The following PER1 variants were observed in gnomAD, a reference collection of about 807,000 sequenced individuals.
PER1 encodes the protein period circadian protein homolog 1.
In PER1, 87 loss-of-function variants were observed where a neutral mutation model predicts 125.9. That is an observed-to-expected ratio of 0.69 (90% CI 0.58 to 0.83). PER1 has a LOEUF of 0.83. Ranked by LOEUF, PER1 falls within the 40% of genes least tolerant of loss-of-function variation. The pLI, the probability that PER1 is intolerant of heterozygous loss-of-function variation, is 0.00. For synonymous variants in PER1, 801 were observed against 714.7 expected, an observed-to-expected ratio of 1.12 and a Z score of -1.93; for missense variants, 1,775 against 1,722.8, an observed-to-expected ratio of 1.03 and a Z score of -0.54.
rs1202253004 is a variant in PER1 at position 8,140,722 on chromosome 17, A to G, written c.*346T>C. ...AGAGAGAGCTGTCTCCCCGCAATAA[A>G]TAAGTGCAGCCCCAACCCTCAAGAG... is the stretch of plus-strand genomic sequence containing the variant. On this transcript the variant is annotated 3_prime_UTR_variant, in exon 23 of 23. Coordinates refer to ENST00000317276, the MANE Select transcript of PER1 (RefSeq NM_002616.3). 3.8e-6 allele frequency: 1 copy of G among 266,638 alleles called. No individual in the cohort carries two copies. Among genetic ancestry groups the G allele is most frequent in the Non-Finnish European group, 7.3e-6 (1 of 137,834 alleles). The allele number at this position is 266,638 out of a possible 1,614,324, so 16.5% of individuals were successfully genotyped here.
chr17:8,142,197 G>A (rs1982122082), intron 21 of PER1, 72 bp downstream of exon 21: 3 of 1,295,324 alleles, frequency 2.3e-6, no homozygotes, highest in Admixed American at 2.4e-5. Context: ...GGCAGAGCCA[G>A]CCCCAGAAAA....
At position 8,146,496 on chromosome 17, in the gene PER1, C is replaced by T. The variant is rs910544368; in HGVS notation, c.1914G>A (p.Leu638=). The T allele has an allele frequency of 1.9e-6, 3 of 1,612,230 alleles. No individual in the cohort carries two copies. The highest frequency in any genetic ancestry group is 2.2e-5 in the South Asian group (2 of 90,770). The part of the protein sequence containing the change: ...INCLDSILRY[L]ESCNLPSTTK... Reference sequence around the variant, plus strand: ...TGGTGCTGGGGAGGTTGCAGCTCTCCAGGTACCTGGGGATGGACACAGCAC... The same window carrying T: ...TGGTGCTGGGGAGGTTGCAGCTCTCTAGGTACCTGGGGATGGACACAGCAC... Residue 638 remains leucine, a synonymous_variant, in exon 16 of 23, where the codon CTG becomes CTA. Transcript: ENST00000317276.
chr17:8,145,916 C>A (rs929671407), intron 17 of PER1, 42 bp downstream of exon 17: 1 of 1,544,790 alleles, frequency 6.5e-7, no homozygotes, highest in Non-Finnish European at 8.7e-7. Context: ...AGCTGGGAGA[C>A]CGGTGGAGCC....
chr17:8,141,267 C>G lies in PER1; in HGVS notation c.3674G>C (p.Gly1225Ala), dbSNP rs201557064. The G allele has an allele frequency of 4.1e-5, 66 of 1,614,206 alleles. 1 individual carries two copies. In the South Asian group the frequency reaches 7.1e-4, roughly 17 times the overall value. ...CTCTTCCATGGGCTCCAGCCCCAGT[C>G]CATCCAGCTCTGAGAAGAGTGGGTC... ...PDDPLFSELD[G>A]LGLEPMEEGG... is the part of the protein sequence containing the mutation. Residue 1225 changes from glycine to alanine, a missense_variant, in exon 23 of 23, where the codon GGA (glycine) becomes GCA (alanine). Physicochemically the swap from Gly to Ala is moderately conservative, Grantham distance 60 (BLOSUM62 0). Coordinates refer to ENST00000317276, the MANE Select transcript of PER1 (RefSeq NM_002616.3).
At position 8,140,612 on chromosome 17, in the gene PER1, T is replaced by G; in HGVS notation, c.*456A>C. On this transcript the variant is annotated 3_prime_UTR_variant, in exon 23 of 23. Transcript: ENST00000317276. ...CCAGGGACTCCATGGTCCACCAACC[T>G]CCCCCACTCCAGAGCAGCTAGGGGC... is the stretch of plus-strand genomic sequence containing the variant. The G allele has an allele frequency of 4.2e-6, 1 of 237,888 alleles. No individual in the cohort carries two copies. The highest frequency in any genetic ancestry group is 2.2e-5 in the African/African-American group (1 of 45,224). 14.7% of individuals were successfully genotyped at this position (237,888 alleles called of 1,614,324 possible).
At position 8,143,574 on chromosome 17, in the gene PER1, C is replaced by G. The variant is rs1403222934; in HGVS notation, c.2764G>C (p.Val922Leu). ...GTTGGGAACAGATAGTTAGGGAGCACCAAGGCCACCATTGGGGTCACCAAA... is the reference window on the plus strand; with the variant it reads ...GTTGGGAACAGATAGTTAGGGAGCAGCAAGGCCACCATTGGGGTCACCAAA... ...APLVTPMVAL[V>L]LPNYLFPTPS... is the part of the protein sequence containing the mutation. The change falls in exon 19 of 23, where the codon GTG becomes CTG. Residue 922 changes from valine (V) to leucine (L), a missense_variant. Val to Leu is a conservative substitution (Grantham distance 32). Transcript: ENST00000317276. 5 of 1,468,240 alleles carry G rather than the reference C, an allele frequency of 3.4e-6. No homozygotes were observed. The highest frequency in any genetic ancestry group is 4.5e-6 in the Non-Finnish European group (5 of 1,104,582). 91.0% of individuals were successfully genotyped at this position (1,468,240 alleles called of 1,614,324 possible).
In PER1 at chr17:8,143,760, AG is replaced by A; in HGVS notation, c.2577del (p.Ser860HisfsTer56). On this transcript the variant is annotated frameshift_variant, in exon 19 of 23. Transcript: ENST00000317276. LOFTEE classifies it high-confidence loss of function. ...RAEAPCYVSH[P>X]SPVPPSTPWP... is the part of the protein sequence containing the mutation. The stretch of plus-strand genomic sequence containing the variant: ...CAGGGGGTGGAGGGTGGCACGGGTG[AG>A]GGGTGTGAGACATAGCAGGGCGCTT... 1 of 1,581,998 alleles carries A rather than the reference AG, an allele frequency of 6.3e-7. No individual in the cohort carries two copies. Among genetic ancestry groups the A allele is most frequent in the Non-Finnish European group, 8.6e-7 (1 of 1,161,552 alleles).
chr17:8,150,596 T>C lies in PER1; in HGVS notation c.111A>G (p.Pro37=). Residue 37 remains proline, a synonymous_variant, in exon 2 of 23, where the codon CCA becomes CCG. Transcript: ENST00000317276. ...CGGTGTCATCGGCCAGGCTGGGGCC[T>C]GGGCAAGGCCGGTGCTGTGGGGGCC... ...SPGPPQHRPC[P]GPSLADDTDA... is the part of the protein sequence containing the mutation. 1 of 1,613,940 alleles carries C rather than the reference T, an allele frequency of 6.2e-7. No individual in the cohort carries two copies. The highest frequency in any genetic ancestry group is 8.5e-7 in the Non-Finnish European group (1 of 1,179,978).
chr17:8,143,876 C>T lies in PER1; in HGVS notation c.2462G>A (p.Gly821Asp). 1 of 1,605,654 alleles carries T rather than the reference C, an allele frequency of 6.2e-7. No homozygotes were observed. ...STAPSALGER[G>D]CHHGPAPPSR... ...TGGGGGTGCGGGGCCGTGGTGGCAG[C>T]CTGTGGGGAGAGACTAGGGTTAGCA... The change falls in exon 19 of 23, where the codon GGC becomes GAC. Residue 821 changes from glycine (G) to aspartate (D), a missense_variant and splice_region_variant. Physicochemically the swap from Gly to Asp is moderately conservative, Grantham distance 94. Transcript: ENST00000317276.
chr17:8,141,759 AACTTGAGCTCAATTCTTTTTTCTCCCCG>A lies in PER1; in HGVS notation c.3600+18_3600+45del, dbSNP rs749399489. ...GCTCAATTCTTTTTTCTCCCCCTTG[AACTTGAGCTCAATTCTTTTTTCTCCCCG>A]TCCCAGGCTTCTCTCACCATCACAT... is the stretch of plus-strand genomic sequence containing the variant. On this transcript the variant is annotated intron_variant, in intron 22 of 22. Coordinates refer to ENST00000317276, the MANE Select transcript of PER1 (RefSeq NM_002616.3). 5.4e-6 allele frequency: 7 copies of A among 1,302,250 alleles called. No individual in the cohort carries two copies. The highest frequency in any genetic ancestry group is 2.2e-4 in the Middle Eastern group (1 of 4,614). 80.7% of individuals were successfully genotyped at this position (1,302,250 alleles called of 1,614,324 possible).
In PER1 at chr17:8,147,626, C is replaced by T. The variant is rs200769363; in HGVS notation, c.1388+48G>A. On this transcript the variant is annotated intron_variant, in intron 11 of 22. Transcript: ENST00000317276. ...AGCCCTGGCCCGGTCCTGTCCCCCA[C>T]CGCACTGCCCTATCCCCAACGCCAG... 358 of 1,613,470 alleles carry T rather than the reference C, an allele frequency of 2.2e-4. No homozygotes were observed. The African/African-American group carries it at 4.2e-3, about 19-fold the overall frequency.
Position 8,150,326 on chromosome 17 carries a change from C to A in PER1, c.276-9G>T. The A allele has an allele frequency of 6.5e-7, 1 of 1,547,030 alleles. No homozygotes were observed. Among genetic ancestry groups the A allele is most frequent in the Non-Finnish European group, 8.7e-7 (1 of 1,144,724 alleles). On this transcript the variant is annotated splice_polypyrimidine_tract_variant and intron_variant, in intron 2 of 22. Transcript: ENST00000317276. ...GGCTCTGAGAGTTTGTGCTAGGAGA[C>A]AGCAACAGGCCCAGTTACAGGTAGG...
Position 8,149,489 on chromosome 17 carries a change from GC to G in PER1, c.825del (p.Thr277ProfsTer42). 6.2e-7 allele frequency: 1 copy of G among 1,613,628 alleles called. No homozygotes were observed. The highest frequency in any genetic ancestry group is 8.5e-7 in the Non-Finnish European group (1 of 1,179,784). ...GCTGAGGCCCCTGTGCCCCAGGTGG[GC>G]AGGCGAGATGGAGCAGTGGAACCAT... The part of the protein sequence containing the change: ...VFYGSTAPSR[L>X]PTWGTGASAG... On this transcript the variant is annotated frameshift_variant, in exon 6 of 23. Coordinates refer to ENST00000317276, the MANE Select transcript of PER1 (RefSeq NM_002616.3). LOFTEE classifies it high-confidence loss of function.
Position 8,150,016 on chromosome 17 carries a change from G to A in PER1, c.484C>T (p.Leu162=). 1.9e-6 allele frequency: 3 copies of A among 1,614,170 alleles called. No homozygotes were observed. Among genetic ancestry groups the A allele is most frequent in the Non-Finnish European group, 2.5e-6 (3 of 1,180,042 alleles). The change falls in exon 4 of 23, where the codon CTG becomes TTG. Residue 162 remains leucine, a synonymous_variant. Coordinates refer to ENST00000317276, the MANE Select transcript of PER1 (RefSeq NM_002616.3). ...ERRGKGRSGT[L]ATLQYALACV... Reference sequence around the variant, plus strand: ...GCCAGTGCGTACTGCAGCGTGGCCAGGGTCCCAGAGCGGCCCTTGCCCCGG... The same window carrying A: ...GCCAGTGCGTACTGCAGCGTGGCCAAGGTCCCAGAGCGGCCCTTGCCCCGG...
At position 8,141,890 on chromosome 17, in the gene PER1, C is replaced by A; in HGVS notation, c.3515G>T (p.Arg1172Leu). The A allele has an allele frequency of 3.1e-6, 5 of 1,614,174 alleles. No individual in the cohort carries two copies. The highest frequency in any genetic ancestry group is 4.2e-6 in the Non-Finnish European group (5 of 1,180,036). Residue 1172 changes from arginine to leucine, a missense_variant, in exon 22 of 23, where the codon CGG (arginine) becomes CTG (leucine). Transcript: ENST00000317276. ...TTCCCGCCGCTGGTCCTCAGAAAAC[C>A]GAGGCTGCTGCTTCTGCATGGCTCG... ...RLRAMQKQQP[R>L]FSEDQRRELG...
At position 8,144,826 on chromosome 17, in the gene PER1, T is replaced by A. The variant is rs3027190; in HGVS notation, c.2386A>T (p.Ser796Cys). The change falls in exon 18 of 23, where the codon AGC becomes TGC. Residue 796 changes from serine to cysteine, a missense_variant. By Grantham distance (112) the Ser-to-Cys change is moderately radical. Coordinates refer to ENST00000317276, the MANE Select transcript of PER1 (RefSeq NM_002616.3). ...HTQKEEQAFL[S>C]RFRDLGRLRG... ...AGCCTGCCCAGGTCTCGGAAGCGGC[T>A]GAGGAAGGCTTGCTCTTCCTTCTGT... The A allele has an allele frequency of 1.1e-5, 18 of 1,585,826 alleles. No individual in the cohort carries two copies. Among genetic ancestry groups the A allele is most frequent in the Admixed American group, 1.7e-5 (1 of 57,204 alleles).
intron 22 of PER1, 78 bp from the exon 23 acceptor site, chr17:8,141,418 G>C: frequency 6.8e-7 from 1 of 1,467,884 alleles, no homozygotes; most frequent in Admixed American, 2.1e-5. Flanking sequence ...CCCACCCCCA[G>C]CCCACTGTGC....
At chr17:8,145,789 C>T (rs936935811) in intron 17 of PER1, among the ~76,000 whole-genome samples, 169 bp downstream of exon 17, 12 of 152,148 alleles carry the variant, frequency 7.9e-5, no homozygotes, top group African/African-American at 2.4e-4. Context: ...AGGGCAAAGC[C>T]GAGAAGCCTG....
chr17:8,146,272 A>G, intron 16 of PER1, 100 bp downstream of exon 16: 2 of 1,517,484 alleles, frequency 1.3e-6, no homozygotes, highest in Non-Finnish European at 1.8e-6. Flanking sequence ...GCTGGGGAGG[A>G]GAGCAGGGCA....
Sources: allele counts gnomAD v4.1 joint callset (sites outside exome capture counted in the v4.1 genomes callset), GRCh38; gene constraint gnomAD v4.1.1; transcripts MANE v1.5; gene names NCBI Gene and HGNC (gene_info 2026-07-23, HGNC 2026-07-21).